CCDC125: variants seen among roughly 807,000 people sequenced by gnomAD.
The protein encoded by CCDC125 is coiled-coil domain-containing protein 125.
CCDC125 carries 43 observed loss-of-function variants against 57.4 expected under a neutral mutation model. The observed-to-expected ratio is 0.75, with a 90% confidence interval of 0.59 to 0.97. CCDC125 has a LOEUF of 0.97. Ranked by LOEUF, CCDC125 falls within the 50% of genes least tolerant of loss-of-function variation. The probability of loss-of-function intolerance (pLI) is 0.00; values close to 1 mark genes in which losing one functional copy is unlikely to be tolerated. For missense variants in CCDC125, 563 were observed against 595.7 expected (o/e 0.95, Z 0.57); for synonymous variants, 187 against 195.2 (o/e 0.96, Z 0.35).
At chr5:69,313,911 A>T in intron 3 of CCDC125, 74 bp downstream of exon 3, 1 of 1,072,236 alleles carries the variant, frequency 9.3e-7, no homozygotes, top group Non-Finnish European at 1.5e-6. Context: ...GGAGAGCTGC[A>T]GAAGACGAGA....
At chr5:69,306,332 T>C (rs1158761126) in intron 6 of CCDC125, among the ~76,000 whole-genome samples, 1 of 152,160 alleles carries the variant, frequency 6.6e-6, no homozygotes, top group Non-Finnish European at 1.5e-5. Flanking sequence ...TGTTTTTTTG[T>C]TTTGTTTTAT....
intron 8 of CCDC125, among the ~76,000 whole-genome samples, chr5:69,298,024 T>G (rs577111588): frequency 1.5e-4 from 23 of 150,842 alleles, no homozygotes; most frequent in African/African-American, 4.6e-4. Context: ...AAATAAAGTT[T>G]TTTTTTTTTT....
At chr5:69,311,063 A>G in intron 4 of CCDC125, 55 bp downstream of exon 4, 1 of 1,218,342 alleles carries the variant, frequency 8.2e-7, no homozygotes, top group Non-Finnish European at 1.2e-6. Flanking sequence ...TTAAAACCAT[A>G]CCAACATTAT....
At chr5:69,278,186 G>GTTC (rs1194541659), downstream of CCDC125, among the ~76,000 whole-genome samples, 1 of 149,674 alleles carries the variant, frequency 6.7e-6, no homozygotes, top group Non-Finnish European at 1.5e-5. Context: ...CTGGCCAGAG[G>GTTC]TTCCCTCTTA....
intron 2 of CCDC125, among the ~76,000 whole-genome samples, chr5:69,316,077 A>G (rs1759056246): frequency 6.6e-6 from 1 of 152,208 alleles, no homozygotes; most frequent in African/African-American, 2.4e-5. Context: ...TTTCATTAAC[A>G]TGACAGTATC....
At chr5:69,316,294 T>C (rs4976190) in intron 2 of CCDC125, among the ~76,000 whole-genome samples, 61,130 of 152,028 alleles carry the variant, frequency 0.4, 12,647 homozygotes, top group East Asian at 0.49. Flanking sequence ...GATTTTGAGA[T>C]GGGAGAGTAC....
intron 11 of CCDC125, 43 bp downstream of exon 11, chr5:69,285,294 C>A (rs377326563): frequency 1.2e-5 from 20 of 1,602,682 alleles, no homozygotes; most frequent in South Asian, 9.0e-5. Flanking sequence ...GTTGGACAAG[C>A]TTGGCTTAAC....
intron 10 of CCDC125, among the ~76,000 whole-genome samples, chr5:69,288,846 C>A (rs1207445441): frequency 1.3e-5 from 2 of 152,178 alleles, no homozygotes; most frequent in East Asian, 1.9e-4. Context: ...TGATAGGATA[C>A]CCAGCTGGTG....
the CCDC125 span, among the ~76,000 whole-genome samples, chr5:69,275,030 C>T: frequency 2.0e-5 from 3 of 150,578 alleles, no homozygotes; most frequent in East Asian, 5.9e-4. Context: ...TGCCACTGCA[C>T]TCCAGCCTGG....
At position 69,311,224 on chromosome 5, in the gene CCDC125, T is replaced by C. The variant is rs1313700916; in HGVS notation, c.367-20A>G. ...TACCTCCTGAGGACAGAAAGAAAAT[T>C]AGTCTTCCTATCTGCAAGATATGCA... On this transcript the variant is annotated intron_variant, in intron 3 of 11. Coordinates refer to ENST00000396496, the MANE Select transcript of CCDC125 (RefSeq NM_176816.5). The C allele has an allele frequency of 3.4e-6, 5 of 1,475,850 alleles. No individual in the cohort carries two copies. In the South Asian group the frequency reaches 4.6e-5, roughly 14 times the overall value. 91.4% of individuals were successfully genotyped at this position (1,475,850 alleles called of 1,614,324 possible). A position where few individuals can be genotyped will look rare whatever the true frequency, so the allele number is the denominator to read the frequency against.
intron 10 of CCDC125, among the ~76,000 whole-genome samples, chr5:69,287,989 T>C (rs1753792595): frequency 6.6e-6 from 1 of 152,196 alleles, no homozygotes. Flanking sequence ...GATTTGTCAA[T>C]AGCTGAATGT....
At chr5:69,294,764 A>G in intron 9 of CCDC125, 29 bp downstream of exon 9, 1 of 1,496,172 alleles carries the variant, frequency 6.7e-7, no homozygotes. Context: ...AACAAAACTA[A>G]AGCTTTTGCT....
downstream of CCDC125, among the ~76,000 whole-genome samples, chr5:69,279,402 T>C (rs372358329): frequency 7.2e-5 from 11 of 152,244 alleles, no homozygotes; most frequent in East Asian, 1.7e-3. Flanking sequence ...TTCACTGTGT[T>C]AGCCAGGATG....
chr5:69,277,200 A>G, downstream of CCDC125: 1 of 1,204,114 alleles, frequency 8.3e-7, no homozygotes, highest in South Asian at 1.5e-5. Context: ...ATGGAAAAAT[A>G]GTAAACATTA....
intron 5 of CCDC125, 68 bp from the exon 6 acceptor site, chr5:69,306,970 A>G: frequency 7.4e-7 from 1 of 1,346,470 alleles, no homozygotes; most frequent in Non-Finnish European, 9.6e-7. Flanking sequence ...CATTGTGAAT[A>G]GCTGAAATAA....
At chr5:69,323,081 C>T (rs963553676) in intron 1 of CCDC125, among the ~76,000 whole-genome samples, 14 of 151,882 alleles carry the variant, frequency 9.2e-5, no homozygotes, top group East Asian at 2.0e-4. Context: ...CCAAGGTGGG[C>T]GGATCACTTG....
intron 7 of CCDC125, 125 bp from the exon 8 acceptor site, chr5:69,300,252 A>G (rs1194868785): frequency 1.4e-6 from 1 of 691,460 alleles, no homozygotes; most frequent in African/African-American, 1.8e-5. Context: ...ATCGGGCTCC[A>G]TTCAGAAAAC....
intron 2 of CCDC125, among the ~76,000 whole-genome samples, chr5:69,318,021 C>T (rs1206888180): frequency 6.7e-5 from 8 of 118,942 alleles, no homozygotes; most frequent in East Asian, 2.7e-4. Context: ...CTTGCTCTGT[C>T]GCCAGGCTGG....
At position 69,317,417 on chromosome 5, in the gene CCDC125, A is replaced by G. The variant is rs919963801; in HGVS notation, c.304+2820T>C. 3.3e-5 allele frequency among the ~76,000 whole-genome samples: 5 copies of G among 152,222 alleles called. No individual in the cohort carries two copies. In the East Asian group the frequency reaches 7.7e-4, roughly 23 times the overall value. On this transcript the variant is annotated intron_variant, in intron 2 of 11. Coordinates refer to ENST00000396496, the MANE Select transcript of CCDC125 (RefSeq NM_176816.5). ...CAATAAGGAATTGGAAGAAAAATATAAAAATAATCCCATTCTGATTTCAAG... is the reference window on the plus strand; with the variant it reads ...CAATAAGGAATTGGAAGAAAAATATGAAAATAATCCCATTCTGATTTCAAG...
Sources: allele counts gnomAD v4.1 joint callset (sites outside exome capture counted in the v4.1 genomes callset), GRCh38; gene constraint gnomAD v4.1.1; transcripts MANE v1.5; gene names NCBI Gene and HGNC (gene_info 2026-07-23, HGNC 2026-07-21).